DNAJC1: variants seen among roughly 807,000 people sequenced by gnomAD.
The protein encoded by DNAJC1 is dnaJ homolog subfamily C member 1.
Under a neutral mutation model 76.6 loss-of-function variants are expected in DNAJC1, and 58 were observed. The ratio of observed to expected loss-of-function variants is 0.76; its 90% CI spans 0.61 to 0.94. The LOEUF (loss-of-function observed/expected upper bound fraction) is 0.94, where lower values mean the gene tolerates loss of function less well. Ranked by LOEUF, DNAJC1 falls within the 40% of genes least tolerant of loss-of-function variation. DNAJC1 has a pLI of 0.00. For synonymous variants in DNAJC1, 258 were observed against 267.9 expected (o/e 0.96, Z 0.36); for missense variants, 689 against 677.3 (o/e 1.02, Z -0.19).
At chr10:21,794,525 A>T (rs561532002) in intron 9 of DNAJC1, among the ~76,000 whole-genome samples, 5 of 152,242 alleles carry the variant, frequency 3.3e-5, no homozygotes, top group South Asian at 4.1e-4. Context: ...AGCAAAAAAA[A>T]TGAACTTGAC....
chr10:21,900,489 G>T (rs1363090722), intron 7 of DNAJC1, among the ~76,000 whole-genome samples: 2 of 152,012 alleles, frequency 1.3e-5, no homozygotes, highest in Non-Finnish European at 2.9e-5. Context: ...TACATACACA[G>T]CATTATGATT....
intron 8 of DNAJC1, among the ~76,000 whole-genome samples, chr10:21,814,924 G>A (rs994313954): frequency 1.3e-5 from 2 of 152,148 alleles, no homozygotes; most frequent in African/African-American, 4.8e-5. Flanking sequence ...TTGAAATTTA[G>A]GATTTAAGAG....
chr10:21,977,881 AAAT>A (rs1206513789), intron 1 of DNAJC1, among the ~76,000 whole-genome samples: 1 of 152,158 alleles, frequency 6.6e-6, no homozygotes, highest in Non-Finnish European at 1.5e-5. Flanking sequence ...ACCTACAGAA[AAAT>A]AATAAGTAAA....
chr10:21,809,879 G>A (rs181292224), intron 8 of DNAJC1, among the ~76,000 whole-genome samples: 2 of 151,660 alleles, frequency 1.3e-5, no homozygotes, highest in Admixed American at 6.6e-5. Context: ...ATTCTTTTTT[G>A]AGGCCTATCT....
chr10:21,870,479 A>G (rs546557380), intron 8 of DNAJC1, among the ~76,000 whole-genome samples: 11 of 152,276 alleles, frequency 7.2e-5, no homozygotes, highest in Non-Finnish European at 1.3e-4. Flanking sequence ...TACACTCAAG[A>G]AAACCAGGCT....
chr10:21,854,821 G>A (rs974993988), intron 8 of DNAJC1, among the ~76,000 whole-genome samples: 1 of 152,106 alleles, frequency 6.6e-6, no homozygotes, highest in Non-Finnish European at 1.5e-5. Flanking sequence ...TTTAAAAATT[G>A]ATTGTAAACT....
Position 21,775,771 on chromosome 10 carries a change from T to C in DNAJC1, c.1099-9462A>G, listed in dbSNP as rs919459205. ...GAAGATATAGGACTTTTTTGTAGCC[T>C]CGTCTTGGGAGAAGACATTTATTCC... On this transcript the variant is annotated intron_variant, in intron 9 of 11. Coordinates refer to ENST00000376980, the MANE Select transcript of DNAJC1 (RefSeq NM_022365.4). Among the ~76,000 whole-genome samples, 8 of 152,322 alleles carry C rather than the reference T, an allele frequency of 5.3e-5. No individual in the cohort carries two copies. The East Asian group carries it at 1.5e-3, about 29-fold the overall frequency.
chr10:21,868,146 C>T lies in DNAJC1; in HGVS notation c.978+14136G>A, dbSNP rs1354774711. Among the ~76,000 whole-genome samples, 102 of 106,326 alleles carry T rather than the reference C, an allele frequency of 9.6e-4. 2 individuals are homozygous for T. The highest frequency in any genetic ancestry group is 3.2e-3 in the African/African-American group (91 of 28,290). 69.8% of individuals were successfully genotyped at this position (106,326 alleles called of 152,430 possible). On this transcript the variant is annotated intron_variant, in intron 8 of 11. Coordinates refer to ENST00000376980, the MANE Select transcript of DNAJC1 (RefSeq NM_022365.4). ...AAATATTCTTTTTTTTTTTTTGAGA[C>T]GGAGTTTCGCTCTTGTTGCCCAGGC...
chr10:21,810,358 G>A (rs751522200), intron 8 of DNAJC1, among the ~76,000 whole-genome samples: 32 of 152,048 alleles, frequency 2.1e-4, no homozygotes, highest in Non-Finnish European at 3.5e-4. Flanking sequence ...CAATATTGGC[G>A]ATCCTCCTAA....
At chr10:21,903,573 A>G (rs772138484) in intron 7 of DNAJC1, among the ~76,000 whole-genome samples, 5 of 152,232 alleles carry the variant, frequency 3.3e-5, no homozygotes, top group Non-Finnish European at 7.3e-5. Flanking sequence ...TCATGGCATT[A>G]CATGAATTCA....
intron 8 of DNAJC1, among the ~76,000 whole-genome samples, chr10:21,824,185 G>A (rs1392782508): frequency 6.6e-6 from 1 of 152,190 alleles, no homozygotes; most frequent in Non-Finnish European, 1.5e-5. Flanking sequence ...TAACCATACA[G>A]ACTAAATTCA....
At chr10:21,816,789 C>G (rs193292377) in intron 8 of DNAJC1, among the ~76,000 whole-genome samples, 1 of 144,154 alleles carries the variant, frequency 6.9e-6, no homozygotes, top group Non-Finnish European at 1.5e-5. Flanking sequence ...TCGTGATCCA[C>G]CCGCCTTGGC....
At chr10:21,803,879 C>CAAA (rs1834848824) in intron 9 of DNAJC1, 1 of 974,084 alleles carries the variant, frequency 1.0e-6, no homozygotes, top group Non-Finnish European at 1.2e-6. Context: ...AAAAAAAAAC[C>CAAA]CAAAAAACAA....
chr10:21,826,868 C>T lies in DNAJC1; in HGVS notation c.979-20769G>A, dbSNP rs1415820209. 2.0e-5 allele frequency among the ~76,000 whole-genome samples: 3 copies of T among 151,948 alleles called. No individual in the cohort carries two copies. The South Asian group carries it at 6.2e-4, about 32-fold the overall frequency. ...CTATTTTATTGGTCTACATATCTGTCTGTATGTCAGTACCACACCATTTTG... is the reference window on the plus strand; with the variant it reads ...CTATTTTATTGGTCTACATATCTGTTTGTATGTCAGTACCACACCATTTTG... On this transcript the variant is annotated intron_variant, in intron 8 of 11. Coordinates refer to ENST00000376980, the MANE Select transcript of DNAJC1 (RefSeq NM_022365.4).
chr10:21,969,706 T>C (rs1291422524), intron 1 of DNAJC1, among the ~76,000 whole-genome samples: 2 of 152,194 alleles, frequency 1.3e-5, no homozygotes, highest in Non-Finnish European at 2.9e-5. Flanking sequence ...TCTTTTTAAG[T>C]AGTACATAAA....
chr10:21,829,349 G>A (rs1325424211), intron 8 of DNAJC1, among the ~76,000 whole-genome samples: 2 of 152,108 alleles, frequency 1.3e-5, no homozygotes, highest in Non-Finnish European at 2.9e-5. Context: ...GGGTAGGCGG[G>A]ACTACAGGCG....
At chr10:22,002,960 C>T (rs1376002317) in intron 1 of DNAJC1, among the ~76,000 whole-genome samples, 1 of 152,092 alleles carries the variant, frequency 6.6e-6, no homozygotes. Flanking sequence ...GAGAAGGCAT[C>T]GCCACCCTAG....
chr10:21,924,967 T>C (rs1030582589), intron 3 of DNAJC1, among the ~76,000 whole-genome samples: 2 of 152,164 alleles, frequency 1.3e-5, no homozygotes, highest in Non-Finnish European at 1.5e-5. Flanking sequence ...TATAATCTTA[T>C]GGGACTAGCA....
chr10:21,804,078 A>T (rs1227641717), intron 9 of DNAJC1: 1 of 475,482 alleles, frequency 2.1e-6, no homozygotes, highest in Non-Finnish European at 2.7e-6. Context: ...TAAATTAAGT[A>T]TATACTAGGA....
Sources: gnomAD v4.1 joint callset for allele counts (sites outside exome capture counted in the v4.1 genomes callset) on GRCh38, gnomAD v4.1.1 for gene constraint, MANE v1.5 for transcripts, NCBI Gene and HGNC (gene_info 2026-07-23, HGNC 2026-07-21) for gene names.